The following SLC35F4 variants were observed in gnomAD, a reference collection of about 807,000 sequenced individuals.
SLC35F4 encodes the protein chromosome 14 open reading frame 36.
In SLC35F4, 24 loss-of-function variants were observed where a neutral mutation model predicts 44.2. That is an observed-to-expected ratio of 0.54 (90% CI 0.39 to 0.76). SLC35F4 has a LOEUF of 0.76. SLC35F4 is among the 30% of genes least tolerant of loss of function. The probability of loss-of-function intolerance (pLI) is 0.00; values close to 1 mark genes in which losing one functional copy is unlikely to be tolerated. For missense variants in SLC35F4, 562 were observed against 586.1 expected, an observed-to-expected ratio of 0.96 and a Z score of 0.42; for synonymous variants, 238 against 223.6, an observed-to-expected ratio of 1.06 and a Z score of -0.57.
chr14:57,841,817 T>C (rs1255678849), intron 1 of SLC35F4, among the ~76,000 whole-genome samples: 1 of 152,092 alleles, frequency 6.6e-6, no homozygotes, highest in Non-Finnish European at 1.5e-5. Context: ...GGTATATGAC[T>C]CTACCCAAAC....
chr14:57,968,752 A>G (rs779097945), intron 1 of SLC35F4, among the ~76,000 whole-genome samples: 2 of 152,208 alleles, frequency 1.3e-5, no homozygotes, highest in African/African-American at 2.4e-5. Context: ...GAACCATCAC[A>G]CTAAAGATAC....
intron 1 of SLC35F4, among the ~76,000 whole-genome samples, chr14:57,840,305 C>T (rs183272330): frequency 6.6e-6 from 1 of 152,230 alleles, no homozygotes; most frequent in African/African-American, 2.4e-5. Context: ...AGGCATTGTG[C>T]CCTCAGTCAC....
chr14:57,865,830 A>AGC lies in SLC35F4; in HGVS notation c.-7_-6dup. On this transcript the variant is annotated 5_prime_UTR_variant, in exon 1 of 8. Transcript: ENST00000556826. The stretch of plus-strand genomic sequence containing the variant: ...GGGGGCCGCCTTGACATCCATAGAG[A>AGC]GCGCGGGGCGACGGCCCCGAGTGCG... 1 of 1,500,220 alleles carries AGC rather than the reference A, an allele frequency of 6.7e-7. No homozygotes were observed. Among genetic ancestry groups the AGC allele is most frequent in the Non-Finnish European group, 8.8e-7 (1 of 1,130,570 alleles). The allele number at this position is 1,500,220 out of a possible 1,614,324, so 92.9% of individuals were successfully genotyped here.
At chr14:57,742,755 A>T (rs1347996524) in intron 1 of SLC35F4, among the ~76,000 whole-genome samples, 2 of 152,200 alleles carry the variant, frequency 1.3e-5, no homozygotes, top group African/African-American at 2.4e-5. Context: ...TCCACCCCAA[A>T]TCAACAGAAC....
chr14:57,786,640 T>C (rs2077768872), intron 1 of SLC35F4, among the ~76,000 whole-genome samples: 1 of 152,152 alleles, frequency 6.6e-6, no homozygotes, highest in Non-Finnish European at 1.5e-5. Flanking sequence ...GTAGACTCAC[T>C]GAGTGGCTAG....
At chr14:57,629,992 G>A (rs1474651898) in intron 1 of SLC35F4, 1 of 528,764 alleles carries the variant, frequency 1.9e-6, no homozygotes, top group Non-Finnish European at 3.8e-6. Context: ...GTGTGAACTT[G>A]GTCATTATGG....
At chr14:57,680,329 C>T (rs1463707592) in intron 1 of SLC35F4, among the ~76,000 whole-genome samples, 2 of 152,094 alleles carry the variant, frequency 1.3e-5, no homozygotes, top group Non-Finnish European at 2.9e-5. Flanking sequence ...AACAGCCCTT[C>T]ATGCTAAAAA....
chr14:57,653,290 C>T (rs1462350815), intron 1 of SLC35F4, among the ~76,000 whole-genome samples: 1 of 152,172 alleles, frequency 6.6e-6, no homozygotes, highest in East Asian at 1.9e-4. Context: ...TGAAAGACGA[C>T]TTCAGTGTAC....
At chr14:57,671,440 C>T (rs998855617) in intron 1 of SLC35F4, among the ~76,000 whole-genome samples, 3 of 151,964 alleles carry the variant, frequency 2.0e-5, no homozygotes, top group Admixed American at 6.6e-5. Context: ...GCCCCTGTTT[C>T]AGGCCTTAGC....
chr14:57,680,421 T>C (rs1018975027), intron 1 of SLC35F4, among the ~76,000 whole-genome samples: 8 of 152,098 alleles, frequency 5.3e-5, no homozygotes, highest in African/African-American at 1.9e-4. Flanking sequence ...AATATCATAC[T>C]GAATCGGCAA....
intron 1 of SLC35F4, among the ~76,000 whole-genome samples, chr14:57,653,738 G>C (rs2073866529): frequency 6.6e-6 from 1 of 152,236 alleles, no homozygotes; most frequent in Non-Finnish European, 1.5e-5. Context: ...AGATCCTGCA[G>C]AGGTGGCCGC....
At chr14:57,838,227 G>A (rs1051578994) in intron 1 of SLC35F4, among the ~76,000 whole-genome samples, 8 of 152,204 alleles carry the variant, frequency 5.3e-5, no homozygotes, top group African/African-American at 1.9e-4. Context: ...TTTTGGAAAA[G>A]CGAGGAGAAC....
chr14:57,760,026 T>C (rs902749898), intron 1 of SLC35F4, among the ~76,000 whole-genome samples: 1 of 152,126 alleles, frequency 6.6e-6, no homozygotes, highest in Non-Finnish European at 1.5e-5. Context: ...TGTCACTTTT[T>C]AGTTTGATGT....
intron 1 of SLC35F4, among the ~76,000 whole-genome samples, chr14:57,895,476 CAG>C (rs1555400465): frequency 6.6e-6 from 1 of 152,052 alleles, no homozygotes; most frequent in East Asian, 1.9e-4. Flanking sequence ...GATCAGATCA[CAG>C]GGGAAGATTT....
At chr14:57,902,563 C>CAA (rs36099939) in intron 1 of SLC35F4, among the ~76,000 whole-genome samples, 7 of 128,002 alleles carry the variant, frequency 5.5e-5, no homozygotes, top group African/African-American at 1.1e-4. Flanking sequence ...AACTCAGTCT[C>CAA]AAAAAAAAAA....
chr14:57,979,403 T>G (rs1048100253), intron 1 of SLC35F4, among the ~76,000 whole-genome samples: 1 of 152,192 alleles, frequency 6.6e-6, no homozygotes, highest in African/African-American at 2.4e-5. Context: ...CTTCGTTTTC[T>G]CTCAGTCTCA....
chr14:57,640,058 A>G (rs1371828904), intron 1 of SLC35F4, among the ~76,000 whole-genome samples: 2 of 152,030 alleles, frequency 1.3e-5, no homozygotes, highest in African/African-American at 4.8e-5. Context: ...TTTGAATATC[A>G]CAACTTATAT....
intron 1 of SLC35F4, among the ~76,000 whole-genome samples, chr14:57,695,422 G>A (rs1182050055): frequency 1.3e-5 from 2 of 151,718 alleles, no homozygotes; most frequent in East Asian, 1.9e-4. Context: ...ATGAAAAAAC[G>A]CTCATCATCA....
chr14:57,775,885 T>C (rs1359536480), intron 1 of SLC35F4, among the ~76,000 whole-genome samples: 1 of 152,110 alleles, frequency 6.6e-6, no homozygotes, highest in Non-Finnish European at 1.5e-5. Context: ...AAACCCAATC[T>C]AAGGAAGCTA....
Sources: allele counts gnomAD v4.1 joint callset (sites outside exome capture counted in the v4.1 genomes callset), GRCh38; gene constraint gnomAD v4.1.1; transcripts MANE v1.5; gene names NCBI Gene and HGNC (gene_info 2026-07-23, HGNC 2026-07-21).